Variants in DNAAF9 observed in about 807,000 individuals in gnomAD.
The protein encoded by DNAAF9 is dynein axonemal assembly factor 9, also known as shulin.
A neutral mutation model predicts 167.0 loss-of-function variants in DNAAF9; 90 were observed. That is an observed-to-expected ratio of 0.54 (90% confidence interval 0.45 to 0.64). The LOEUF is 0.64. Ranked by LOEUF, DNAAF9 falls within the 30% of genes least tolerant of loss-of-function variation. The pLI is 0.00. For synonymous variants in DNAAF9, 491 were observed against 508.8 expected, an observed-to-expected ratio of 0.96 and a Z score of 0.47; for missense variants, 1,315 against 1,442.2, an observed-to-expected ratio of 0.91 and a Z score of 1.43.
intron 10 of DNAAF9, among the ~76,000 whole-genome samples, chr20:3,336,945 T>C (rs1346869984): frequency 6.8e-6 from 1 of 147,034 alleles, no homozygotes; most frequent in East Asian, 2.1e-4. Flanking sequence ...AGTGGCACGA[T>C]CTCGGCTCAC....
chr20:3,376,277 A>C lies in DNAAF9; in HGVS notation c.309T>G (p.Asp103Glu). 1.2e-6 allele frequency: 2 copies of C among 1,610,508 alleles called. No individual in the cohort carries two copies. The highest frequency in any genetic ancestry group is 8.5e-7 in the Non-Finnish European group (1 of 1,178,164). The stretch of plus-strand genomic sequence containing the variant: ...CAGGATTACAGTACAGATGGACGCT[A>C]TCCGATTTAATCAATATAATTACAT... Reference protein sequence around the residue: ...LDDVIILIKSDSVHLYCNPVN... With the variant: ...LDDVIILIKSESVHLYCNPVN... The change falls in exon 4 of 37, where the codon GAT becomes GAG. Residue 103 changes from aspartate to glutamate, a missense_variant. By Grantham distance (45) the Asp-to-Glu change is conservative. Around this residue, in one of 2 missense-constraint regions of DNAAF9, gnomAD observed 981 missense variants for 1,012.5 expected, o/e 0.97. Transcript: ENST00000252032.
chr20:3,326,066 T>G, intron 13 of DNAAF9, 131 bp downstream of exon 13: 1 of 655,450 alleles, frequency 1.5e-6, no homozygotes, highest in Non-Finnish European at 2.7e-6. Flanking sequence ...GGCTTCTCTC[T>G]GCCTGGTGTC....
chr20:3,306,778 C>A (rs1164283282), intron 20 of DNAAF9: 2 of 335,292 alleles, frequency 6.0e-6, no homozygotes, highest in African/African-American at 4.5e-5. Flanking sequence ...CTGTTCACTG[C>A]TGTCTCCCCA....
chr20:3,346,014 G>A (rs976314531), intron 8 of DNAAF9, among the ~76,000 whole-genome samples: 4 of 151,874 alleles, frequency 2.6e-5, no homozygotes, highest in African/African-American at 9.7e-5. Flanking sequence ...ATATTAAAAT[G>A]GAAAAACAAT....
intron 7 of DNAAF9, among the ~76,000 whole-genome samples, chr20:3,358,115 A>G (rs1264417010): frequency 6.6e-6 from 1 of 151,610 alleles, no homozygotes; most frequent in South Asian, 2.1e-4. Flanking sequence ...TTTTTCTGCT[A>G]TGGAGAAACT....
At chr20:3,349,192 C>CAAAAAA (rs148023287) in intron 7 of DNAAF9, among the ~76,000 whole-genome samples, 4,767 of 39,004 alleles carry the variant, frequency 0.12, 813 homozygotes, top group Non-Finnish European at 0.14. Context: ...TCGTCTCTAC[C>CAAAAAA]AAAAAAAAAA....
At chr20:3,371,931 G>A (rs1038826016) in intron 6 of DNAAF9, among the ~76,000 whole-genome samples, 7 of 152,148 alleles carry the variant, frequency 4.6e-5, no homozygotes, top group Admixed American at 6.5e-5. Flanking sequence ...CGCCCTAGCA[G>A]AGGAACTTCC....
rs753601525 is a variant in DNAAF9, at chr20:3,330,691, G to A, written c.1064-9C>T. The stretch of plus-strand genomic sequence containing the variant: ...CAGCTTGCTGTCACCACCTGTGAAA[G>A]AGGCCCACTAAGAATGTGACAAGAG... On this transcript the variant is annotated splice_polypyrimidine_tract_variant and intron_variant, in intron 11 of 36. Transcript: ENST00000252032. 6.4e-7 allele frequency: 1 copy of A among 1,573,588 alleles called. No individual in the cohort carries two copies. The highest frequency in any genetic ancestry group is 1.4e-5 in the African/African-American group (1 of 73,662).
intron 20 of DNAAF9, chr20:3,307,126 G>A (rs1020563494): frequency 7.1e-6 from 7 of 984,782 alleles, no homozygotes; most frequent in Non-Finnish European, 8.4e-6. Context: ...TTACTCAATA[G>A]GAAGATGGGA....
At chr20:3,263,288 T>C (rs2068427480) in intron 31 of DNAAF9, among the ~76,000 whole-genome samples, 1 of 152,108 alleles carries the variant, frequency 6.6e-6, no homozygotes, top group South Asian at 2.1e-4. Context: ...CATTTTTTGT[T>C]ACGAAAAAAG....
intron 6 of DNAAF9, chr20:3,361,899 C>T: frequency 6.7e-7 from 1 of 1,496,196 alleles, no homozygotes. Flanking sequence ...CTAACACTGT[C>T]CTTCAGGTGG....
chr20:3,346,097 T>C (rs529190235), intron 8 of DNAAF9, among the ~76,000 whole-genome samples: 1 of 152,304 alleles, frequency 6.6e-6, no homozygotes, highest in South Asian at 2.1e-4. Flanking sequence ...GAAATGTAAA[T>C]TAAAACAATA....
rs915397108 is a variant in DNAAF9 at position 3,251,871 on chromosome 20, C to T, written c.*701G>A. ...GACAGGAGAGCTAAAGAACCACCCA[C>T]AAGGGGAAAAGCTGATGTCAACTTA... On this transcript the variant is annotated 3_prime_UTR_variant, in exon 37 of 37. Coordinates refer to ENST00000252032, the MANE Select transcript of DNAAF9 (RefSeq NM_001009984.3). The T allele has an allele frequency of 2.0e-5, 3 of 152,400 alleles. No individual in the cohort carries two copies. The highest frequency in any genetic ancestry group is 7.2e-5 in the African/African-American group (3 of 41,486). 9.4% of individuals were successfully genotyped at this position (152,400 alleles called of 1,614,324 possible).
intron 6 of DNAAF9, among the ~76,000 whole-genome samples, chr20:3,361,085 ACT>A (rs1169648602): frequency 6.6e-6 from 1 of 151,982 alleles, no homozygotes; most frequent in African/African-American, 2.4e-5. Flanking sequence ...GAGGTCAAAG[ACT>A]CTTTCCAACC....
chr20:3,362,336 G>C, intron 6 of DNAAF9: 1 of 723,014 alleles, frequency 1.4e-6, no homozygotes, highest in Non-Finnish European at 2.3e-6. Context: ...TTGCACTGCT[G>C]TCGCTTGAAG....
chr20:3,290,632 T>C (rs1312300241), intron 25 of DNAAF9, among the ~76,000 whole-genome samples: 1 of 152,142 alleles, frequency 6.6e-6, no homozygotes, highest in African/African-American at 2.4e-5. Context: ...GTAGTAACTA[T>C]TTCTTAGGAA....
intron 6 of DNAAF9, among the ~76,000 whole-genome samples, chr20:3,361,465 C>T (rs116613221): frequency 0.013 from 2,014 of 152,210 alleles, 42 homozygotes; most frequent in African/African-American, 0.046. Flanking sequence ...CCAGGCTAGA[C>T]GGCTGTTGTT....
chr20:3,352,341 T>C (rs1484188833), intron 7 of DNAAF9, among the ~76,000 whole-genome samples: 1 of 152,196 alleles, frequency 6.6e-6, no homozygotes, highest in East Asian at 1.9e-4. Context: ...GTCCAATCAG[T>C]GCCCCTGTAT....
At chr20:3,271,161 G>A (rs908043175) in intron 29 of DNAAF9, among the ~76,000 whole-genome samples, 2 of 152,014 alleles carry the variant, frequency 1.3e-5, no homozygotes, top group Non-Finnish European at 2.9e-5. Flanking sequence ...GGAATTCTTA[G>A]TCAAAGGGCC....
Sources: gnomAD v4.1 joint callset for allele counts (sites outside exome capture counted in the v4.1 genomes callset) on GRCh38, gnomAD v4.1.1 for gene constraint, gnomAD v4.1.1 regional missense constraint, MANE v1.5 for transcripts, NCBI Gene and HGNC (gene_info 2026-07-23, HGNC 2026-07-21) for gene names.